Variants in ERBB4 observed in about 807,000 individuals in gnomAD.
ERBB4 encodes receptor tyrosine-protein kinase erbB-4.
Under a neutral mutation model 158.0 loss-of-function variants are expected in ERBB4, and 42 were observed. The observed-to-expected ratio is 0.27, with a 90% CI of 0.21 to 0.34. The LOEUF is 0.34. Ranked by LOEUF, ERBB4 falls within the 10% of genes least tolerant of loss-of-function variation. ERBB4 has a pLI of 1.00. For missense variants in ERBB4, 1,333 were observed against 1,624.1 expected (o/e 0.82, Z 3.08); for synonymous variants, 583 against 558.7 (o/e 1.04, Z -0.61).
chr2:211,412,799 C>T (rs2063290674), intron 25 of ERBB4, among the ~76,000 whole-genome samples: 1 of 151,468 alleles, frequency 6.6e-6, no homozygotes, highest in Non-Finnish European at 1.5e-5. Context: ...ACTAAAAATA[C>T]AAAAATTAGC....
At chr2:212,315,703 C>T (rs2087243023) in intron 1 of ERBB4, among the ~76,000 whole-genome samples, 2 of 151,440 alleles carry the variant, frequency 1.3e-5, no homozygotes, top group Non-Finnish European at 3.0e-5. Context: ...TTCCAGTTCA[C>T]ACAAAGTGGT....
At chr2:211,694,123 C>T (rs900957192) in intron 12 of ERBB4, among the ~76,000 whole-genome samples, 1 of 152,158 alleles carries the variant, frequency 6.6e-6, no homozygotes, top group Admixed American at 6.5e-5. Flanking sequence ...TGTGCAAATA[C>T]CCTATTCCCA....
intron 1 of ERBB4, among the ~76,000 whole-genome samples, chr2:212,338,633 C>A (rs941734553): frequency 6.6e-6 from 1 of 152,110 alleles, no homozygotes; most frequent in African/African-American, 2.4e-5. Flanking sequence ...GATATACCTA[C>A]ACAACTCATT....
chr2:211,779,725 C>T (rs1315319877), intron 4 of ERBB4: 3 of 152,128 alleles, frequency 2.0e-5, no homozygotes, highest in African/African-American at 7.2e-5. Context: ...TGGCTGTCCA[C>T]CACCTTACCG....
chr2:212,455,868 T>G (rs1688265190), intron 1 of ERBB4, among the ~76,000 whole-genome samples: 1 of 152,106 alleles, frequency 6.6e-6, no homozygotes, highest in African/African-American at 2.4e-5. Flanking sequence ...TAAAAAATAT[T>G]TATTGAGCAC....
rs972930837 is a variant in ERBB4 at position 211,381,096 on chromosome 2, C to T, written c.*2519G>A. The T allele has an allele frequency of 4.3e-6, 1 of 232,308 alleles. No homozygotes were observed. The highest frequency in any genetic ancestry group is 8.5e-6 in the Non-Finnish European group (1 of 117,622). The allele number at this position is 232,308 out of a possible 1,614,324, so 14.4% of individuals were successfully genotyped here. On this transcript the variant is annotated 3_prime_UTR_variant, in exon 28 of 28. Coordinates refer to ENST00000342788, the MANE Select transcript of ERBB4 (RefSeq NM_005235.3). ...GACTTCTCTGAATGGATAGGAGAGC[C>T]CTGAGCTATTAGATTGTGGCCCCTG...
chr2:211,631,681 C>T (rs1007704066), intron 16 of ERBB4, among the ~76,000 whole-genome samples: 2 of 152,004 alleles, frequency 1.3e-5, no homozygotes, highest in Admixed American at 1.3e-4. Flanking sequence ...CTGAAGTTTC[C>T]GTGGTCAGAG....
intron 1 of ERBB4, among the ~76,000 whole-genome samples, chr2:212,203,070 A>G (rs2082634792): frequency 6.6e-6 from 1 of 152,042 alleles, no homozygotes; most frequent in African/African-American, 2.4e-5. Context: ...AACGAGTCAG[A>G]AATCTGTCCT....
intron 3 of ERBB4, among the ~76,000 whole-genome samples, chr2:211,893,560 G>A (rs2079024140): frequency 7.0e-6 from 1 of 142,028 alleles, no homozygotes; most frequent in Admixed American, 6.9e-5. Context: ...ATTGACAAAT[G>A]GGATCTAATT....
chr2:211,525,177 G>C (rs528807724), intron 20 of ERBB4, among the ~76,000 whole-genome samples: 1 of 152,074 alleles, frequency 6.6e-6, no homozygotes, highest in Non-Finnish European at 1.5e-5. Flanking sequence ...GTGGACTTCG[G>C]GGGCACATGA....
chr2:212,430,787 A>C (rs901371187), intron 1 of ERBB4, among the ~76,000 whole-genome samples: 8 of 152,094 alleles, frequency 5.3e-5, no homozygotes, highest in African/African-American at 1.7e-4. Context: ...AAAAGTATTC[A>C]ATCTCATGTT....
intron 2 of ERBB4, among the ~76,000 whole-genome samples, chr2:212,081,478 G>A (rs890642626): frequency 1.3e-5 from 2 of 152,164 alleles, no homozygotes; most frequent in African/African-American, 2.4e-5. Context: ...CTAAATCAAG[G>A]GTACCAATCA....
At chr2:211,528,725 C>T (rs1043238672) in intron 20 of ERBB4, among the ~76,000 whole-genome samples, 3 of 151,794 alleles carry the variant, frequency 2.0e-5, no homozygotes, top group African/African-American at 7.3e-5. Flanking sequence ...TATACAAACA[C>T]ATGGAAATTA....
chr2:212,422,085 C>G (rs150393234), intron 1 of ERBB4, among the ~76,000 whole-genome samples: 1 of 152,204 alleles, frequency 6.6e-6, no homozygotes, highest in Admixed American at 6.5e-5. Flanking sequence ...TGAAAAGTAT[C>G]CCAGATTTAG....
At chr2:212,173,123 AATTG>A (rs1387211943) in intron 1 of ERBB4, among the ~76,000 whole-genome samples, 1 of 152,156 alleles carries the variant, frequency 6.6e-6, no homozygotes, top group Non-Finnish European at 1.5e-5. Flanking sequence ...TAAAAAACTT[AATTG>A]ATCTCTTATT....
intron 2 of ERBB4, among the ~76,000 whole-genome samples, chr2:212,044,921 T>C (rs2077223807): frequency 6.6e-6 from 1 of 152,076 alleles, no homozygotes; most frequent in South Asian, 2.1e-4. Flanking sequence ...GATTTCAGTA[T>C]CATCAGGGTC....
At chr2:212,137,995 T>G (rs1424215515) in intron 1 of ERBB4, among the ~76,000 whole-genome samples, 1 of 152,226 alleles carries the variant, frequency 6.6e-6, no homozygotes, top group East Asian at 1.9e-4. Flanking sequence ...CTGGGTTATC[T>G]GTAAAAGGAA....
At chr2:211,479,231 C>T (rs779794156) in intron 20 of ERBB4, among the ~76,000 whole-genome samples, 15 of 152,140 alleles carry the variant, frequency 9.9e-5, no homozygotes, top group Admixed American at 2.0e-4. Flanking sequence ...GTCTGGAGAT[C>T]ATACTCTGAA....
rs141713184 is a variant in ERBB4 at position 212,487,556 on chromosome 2, T to C, written c.82+50893A>G. Among the ~76,000 whole-genome samples the C allele has an allele frequency of 8.8e-3, 1,305 of 147,718 alleles. 9 individuals are homozygous for C. The highest frequency in any genetic ancestry group is 0.015 in the Non-Finnish European group (976 of 65,606). On this transcript the variant is annotated intron_variant, in intron 1 of 27. Coordinates refer to ENST00000342788, the MANE Select transcript of ERBB4 (RefSeq NM_005235.3). ...CTACACTCCCACCAGGTTAGGCATG[T>C]ATTTTTTTTTTTTCAAAAATTCAGC...
Sources: allele counts gnomAD v4.1 joint callset (sites outside exome capture counted in the v4.1 genomes callset), GRCh38; gene constraint gnomAD v4.1.1; transcripts MANE v1.5; gene names NCBI Gene and HGNC (gene_info 2026-07-23, HGNC 2026-07-21).